TNXB: variants seen among roughly 807,000 people sequenced by gnomAD.
TNXB encodes the protein tenascin-X.
A neutral mutation model predicts 340.5 loss-of-function variants in TNXB; 183 were observed. The ratio of observed to expected loss-of-function variants is 0.54; its 90% CI spans 0.48 to 0.61. The LOEUF (loss-of-function observed/expected upper bound fraction) is 0.61, where lower values mean the gene tolerates loss of function less well. Among genes scored for constraint, TNXB ranks in the 20% least tolerant of loss-of-function variants. The pLI is 0.00. For missense variants in TNXB, 4,613 were observed against 5,446.4 expected, an observed-to-expected ratio of 0.85 and a Z score of 4.82; for synonymous variants, 2,121 against 2,314.5, an observed-to-expected ratio of 0.92 and a Z score of 2.40.
rs575161158 is a variant in TNXB, at chr6:32,074,779, C to G, written c.4376-827G>C. ...CACCGCAACCTACGCCTCCTGGGTTCAAGCGATTCTCCTGCCTTAGCCTCC... is the reference window on the plus strand; with the variant it reads ...CACCGCAACCTACGCCTCCTGGGTTGAAGCGATTCTCCTGCCTTAGCCTCC... On this transcript the variant is annotated intron_variant, in intron 11 of 43. Transcript: ENST00000644971. This position sits in a 1 kb window ranked among gnomAD's most constrained non-coding sequence, Gnocchi z 5.5. Among the ~76,000 whole-genome samples, 1 of 152,298 alleles carries G rather than the reference C, an allele frequency of 6.6e-6. No homozygotes were observed. The highest frequency in any genetic ancestry group is 2.1e-4 in the South Asian group (1 of 4,822).
rs1780325118 is a variant in TNXB at position 32,096,059 on chromosome 6, G to A, written c.1794C>T (p.Gly598=). The change falls in exon 3 of 44, where the codon GGC becomes GGT. Residue 598 remains glycine, a synonymous_variant. Coordinates refer to ENST00000644971, the MANE Select transcript of TNXB (RefSeq NM_001365276.2). ...RQCPNDCSQH[G]VCQDGVCICW... The stretch of plus-strand genomic sequence containing the variant: ...AGATGCACACACCGTCCTGGCACAC[G>A]CCGTGCTGGCTGCAGTCATTCGGGC... The A allele has an allele frequency of 6.2e-7, 1 of 1,613,020 alleles. No individual in the cohort carries two copies. The highest frequency in any genetic ancestry group is 8.5e-7 in the Non-Finnish European group (1 of 1,179,738).
In TNXB at chr6:32,055,882, A is replaced by G. The variant is rs868691350; in HGVS notation, c.8436T>C (p.Arg2812=). 1.9e-6 allele frequency: 3 copies of G among 1,612,628 alleles called. No individual in the cohort carries two copies. Among genetic ancestry groups the G allele is most frequent in the Non-Finnish European group, 8.5e-7 (1 of 1,179,330 alleles). Residue 2812 remains arginine (R), a synonymous_variant, in exon 24 of 44, where the codon CGT becomes CGC. Transcript: ENST00000644971. The part of the protein sequence containing the change: ...MHLYGLHEGR[R]VGPVSTVGVT... ...CACCCACGGTGGACACCGGGCCCAC[A>G]CGCCGCCCCTCGTGGAGGCCGTACA... is the stretch of plus-strand genomic sequence containing the variant.
rs1306826722 is a variant in TNXB, at chr6:32,096,101, A to G, written c.1752T>C (p.Asp584=). Residue 584 remains aspartate (D), a synonymous_variant, in exon 3 of 44, where the codon GAT becomes GAC. Transcript: ENST00000644971. The stretch of plus-strand genomic sequence containing the variant: ...CATTCGGGCACTGCCTCACACCGCA[A>G]TCCTCGCCAGAGTAGCCGTCCTCGC... ...CVCEDGYSGE[D]CGVRQCPNDC... is the part of the protein sequence containing the mutation. 3 of 1,608,366 alleles carry G rather than the reference A, an allele frequency of 1.9e-6. No homozygotes were observed. Among genetic ancestry groups the G allele is most frequent in the East Asian group, 2.2e-5 (1 of 44,642 alleles).
Position 32,067,692 on chromosome 6 carries a change from G to C in TNXB, c.6513C>G (p.Arg2171=). 1 of 1,613,700 alleles carries C rather than the reference G, an allele frequency of 6.2e-7. No individual in the cohort carries two copies. Among genetic ancestry groups the C allele is most frequent in the Non-Finnish European group, 8.5e-7 (1 of 1,179,778 alleles). The change falls in exon 18 of 44, where the codon CGC becomes CGG. Residue 2171 remains arginine, a synonymous_variant. Transcript: ENST00000644971. The surrounding 1 kb of genome is among the most constrained non-coding windows in gnomAD (Gnocchi z 4.2). ...CGCCCACAGCAGACACTGGGCCCAC[G>C]CGCCGCCCCTCGTGGAGGCCGTACA... The part of the protein sequence containing the change: ...MHLYGLHEGR[R]VGPVSAVGVT...
At chr6:32,095,023 G>GC in intron 4 of TNXB, 53 bp downstream of exon 4, 2 of 1,435,158 alleles carry the variant, frequency 1.4e-6, no homozygotes, top group Non-Finnish European at 1.9e-6. Context: ...GGTGAGCCCT[G>GC]CCCCCCTGTC....
chr6:32,069,687 T>C lies in TNXB; in HGVS notation c.5453A>G (p.Gln1818Arg). ...VQYKDRDGQP[Q>R]VVPVEGSLRE... ...GAGGCTGCCCTCCACGGGCACCACC[T>C]GGGGCTGCCCGTCCCTGTCTTTGTA... Residue 1818 changes from glutamine to arginine, a missense_variant, in exon 15 of 44, where the codon CAG becomes CGG. Physicochemically the swap from Gln to Arg is conservative, Grantham distance 43 (BLOSUM62 1). Transcript: ENST00000644971. The surrounding 1 kb of genome is among the most constrained non-coding windows in gnomAD (Gnocchi z 6.2). The C allele has an allele frequency of 1.2e-6, 2 of 1,613,130 alleles. No individual in the cohort carries two copies. The highest frequency in any genetic ancestry group is 8.5e-7 in the Non-Finnish European group (1 of 1,179,644).
In TNXB at chr6:32,046,066, G is replaced by T. The variant is rs1314934899; in HGVS notation, c.10606+109C>A. On this transcript the variant is annotated intron_variant, in intron 31 of 43. Transcript: ENST00000644971. The surrounding 1 kb of genome is among the most constrained non-coding windows in gnomAD (Gnocchi z 6.9). ...CTCCTCCTTCCTGGGGACAGGCCAG[G>T]GCGCCCCACTCCGGCCTGCCCACTC... 3 of 1,478,796 alleles carry T rather than the reference G, an allele frequency of 2.0e-6. No individual in the cohort carries two copies. Among genetic ancestry groups the T allele is most frequent in the East Asian group, 4.7e-5 (2 of 42,554 alleles). The allele number at this position is 1,478,796 out of a possible 1,614,324, so 91.6% of individuals were successfully genotyped here.
Position 32,042,350 on chromosome 6 carries a change from G to T in TNXB, c.12223C>A (p.Arg4075Ser). 3 of 1,561,472 alleles carry T rather than the reference G, an allele frequency of 1.9e-6. 1 individual carries two copies. The South Asian group carries it at 3.4e-5, about 17-fold the overall frequency. The part of the protein sequence containing the change: ...DGGGWLVFQR[R>S]MDGQTDFWRD... ...CAGAAGTCTGTCTGTCCATCCATGC[G>T]GCGCTGGAACACCTGGGAAGCAAGT... is the stretch of plus-strand genomic sequence containing the variant. Residue 4075 changes from arginine to serine, a missense_variant, in exon 41 of 44, where the codon CGC becomes AGC. Physicochemically the swap from Arg to Ser is moderately radical, Grantham distance 110. Around this residue, in one of 7 missense-constraint regions of TNXB, gnomAD observed 121 missense variants for 177.4 expected, o/e 0.68. Coordinates refer to ENST00000644971, the MANE Select transcript of TNXB (RefSeq NM_001365276.2).
chr6:32,053,420 C>T lies in TNXB; in HGVS notation c.8759G>A (p.Arg2920His), dbSNP rs371669336. 5.6e-6 allele frequency: 9 copies of T among 1,612,822 alleles called. No individual in the cohort carries two copies. Among genetic ancestry groups the T allele is most frequent in the South Asian group, 1.1e-5 (1 of 91,068 alleles). ...MNLYGFHGGQ[R>H]VGPISVIGVT... Reference sequence around the variant, plus strand: ...CCCAATGACAGAGATGGGGCCCACGCGCTGGCCACCGTGGAAGCCGTACAG... The same window carrying T: ...CCCAATGACAGAGATGGGGCCCACGTGCTGGCCACCGTGGAAGCCGTACAG... The change falls in exon 25 of 44, where the codon CGC becomes CAC. Residue 2920 changes from arginine (R) to histidine (H), a missense_variant. Coordinates refer to ENST00000644971, the MANE Select transcript of TNXB (RefSeq NM_001365276.2).
chr6:32,062,247 C>G lies in TNXB; in HGVS notation c.7078G>C (p.Gly2360Arg). 1 of 1,613,230 alleles carries G rather than the reference C, an allele frequency of 6.2e-7. No individual in the cohort carries two copies. The highest frequency in any genetic ancestry group is 1.1e-5 in the South Asian group (1 of 91,064). Residue 2360 changes from glycine to arginine, a missense_variant, in exon 20 of 44, where the codon GGC becomes CGC. Physicochemically the swap from Gly to Arg is moderately radical, Grantham distance 125. Around this residue, in one of 7 missense-constraint regions of TNXB, gnomAD observed 4,327 missense variants for 4,859.4 expected, o/e 0.89. Transcript: ENST00000644971. The surrounding 1 kb of genome is among the most constrained non-coding windows in gnomAD (Gnocchi z 4.3). ...TTGTACTTGTTGTCTGGCTCCAGGC[C>G]GGAGATGGTGACCCTGTCCTCATGT... is the stretch of plus-strand genomic sequence containing the variant. ...PGHEDRVTIS[G>R]LEPDNKYKMN...
At position 32,087,924 on chromosome 6, in the gene TNXB, T is replaced by C. The variant is rs548681132; in HGVS notation, c.2779+861A>G. On this transcript the variant is annotated intron_variant, in intron 6 of 43. Coordinates refer to ENST00000644971, the MANE Select transcript of TNXB (RefSeq NM_001365276.2). This position sits in a 1 kb window ranked among gnomAD's most constrained non-coding sequence, Gnocchi z 9.0. The stretch of plus-strand genomic sequence containing the variant: ...GCCGTGGGGGCCGCGGGGCTGGGGC[T>C]GGCCGGGGCCGGGACTTGGGGGGCG... 7.8e-4 allele frequency: 64 copies of C among 81,934 alleles called. No individual in the cohort carries two copies. The highest frequency in any genetic ancestry group is 3.8e-3 in the African/African-American group (63 of 16,654). 5.1% of individuals were successfully genotyped at this position (81,934 alleles called of 1,614,324 possible). A position where few individuals can be genotyped will look rare whatever the true frequency, so the allele number is the denominator to read the frequency against.
Position 32,081,698 on chromosome 6 carries a change from G to C in TNXB, c.3737-25C>G. 1 of 1,540,626 alleles carries C rather than the reference G, an allele frequency of 6.5e-7. No individual in the cohort carries two copies. The highest frequency in any genetic ancestry group is 8.8e-7 in the Non-Finnish European group (1 of 1,138,722). On this transcript the variant is annotated intron_variant, in intron 9 of 43. Transcript: ENST00000644971. This position sits in a 1 kb window ranked among gnomAD's most constrained non-coding sequence, Gnocchi z 5.1. ...GCTGTAAACAAGGAGATCCAGCCAG[G>C]TGCTGAACTGGCAGCCTGGGACTGG...
chr6:32,086,564 G>C (rs2127266814), intron 6 of TNXB, among the ~76,000 whole-genome samples: 1 of 152,238 alleles, frequency 6.6e-6, no homozygotes, highest in Admixed American at 6.5e-5. Flanking sequence ...TGTGGGGGTG[G>C]ACATCCAGGT....
rs761894996 is a variant in TNXB at position 32,098,226 on chromosome 6, G to C, written c.-8-20C>G. 9 of 1,468,240 alleles carry C rather than the reference G, an allele frequency of 6.1e-6. No homozygotes were observed. The highest frequency in any genetic ancestry group is 4.6e-5 in the Admixed American group (2 of 43,476). The allele number at this position is 1,468,240 out of a possible 1,614,324, so 91.0% of individuals were successfully genotyped here. On this transcript the variant is annotated intron_variant, in intron 1 of 43. Transcript: ENST00000644971. ...AGGAGGCTGCAGGGAGAAAGGGTAG[G>C]TATGAGAGCAGCTTCAAAAAGGAGA...
Position 32,108,286 on chromosome 6 carries a change from T to G in TNXB, c.-9+895A>C, listed in dbSNP as rs1781074305. ...TCCACTTCCAGTTGTTTCTATGCCA[T>G]TAAATTCTTTCCAGGCGAGATAAGG... On this transcript the variant is annotated intron_variant, in intron 1 of 43. Coordinates refer to ENST00000644971, the MANE Select transcript of TNXB (RefSeq NM_001365276.2). This position sits in a 1 kb window ranked among gnomAD's most constrained non-coding sequence, Gnocchi z 4.8. Among the ~76,000 whole-genome samples, 1 of 152,138 alleles carries G rather than the reference T, an allele frequency of 6.6e-6. No homozygotes were observed. The highest frequency in any genetic ancestry group is 1.5e-5 in the Non-Finnish European group (1 of 68,016).
chr6:32,078,119 G>GAAAGAAAGAAAGAAAGAAAGAAA, intron 11 of TNXB, among the ~76,000 whole-genome samples: 1 of 141,738 alleles, frequency 7.1e-6, no homozygotes, highest in Non-Finnish European at 1.6e-5. Flanking sequence ...AAGAAAGAAA[G>GAAAGAAAGAAAGAAAGAAAGAAA]AAAGAAAGAA....
intron 1 of TNXB, among the ~76,000 whole-genome samples, chr6:32,103,727 CTTTT>C (rs28986186): frequency 8.1e-6 from 1 of 123,392 alleles, no homozygotes; most frequent in Non-Finnish European, 1.7e-5. Context: ...TTCACCGCAT[CTTTT>C]TTTTTTTTTT....
intron 4 of TNXB, among the ~76,000 whole-genome samples, chr6:32,093,015 G>A (rs918580793): frequency 1.3e-5 from 2 of 152,336 alleles, no homozygotes; most frequent in East Asian, 1.9e-4. Flanking sequence ...ACTGGAAAGC[G>A]GCGCCCTTGA....
In TNXB at chr6:32,068,263, AG is replaced by A; in HGVS notation, c.6220+126del. 2 of 1,384,696 alleles carry A rather than the reference AG, an allele frequency of 1.4e-6. No homozygotes were observed. Among genetic ancestry groups the A allele is most frequent in the Non-Finnish European group, 2.0e-6 (2 of 1,024,522 alleles). The allele number at this position is 1,384,696 out of a possible 1,614,324, so 85.8% of individuals were successfully genotyped here. ...CACAGGAAGGCCCAAGGGGAGCCCC[AG>A]CCCCAGCCACAAGCAGGTCTGTGGT... On this transcript the variant is annotated intron_variant, in intron 17 of 43. Transcript: ENST00000644971. This position sits in a 1 kb window ranked among gnomAD's most constrained non-coding sequence, Gnocchi z 5.3.
Sources: gnomAD v4.1 joint callset for allele counts (sites outside exome capture counted in the v4.1 genomes callset) on GRCh38, gnomAD v4.1.1 for gene constraint, gnomAD v4.1.1 regional missense constraint, Gnocchi (gnomAD v3.1) non-coding constraint, MANE v1.5 for transcripts, NCBI Gene and HGNC (gene_info 2026-07-23, HGNC 2026-07-21) for gene names.